Variants in SLC22A23 observed in about 807,000 individuals in gnomAD.
SLC22A23 encodes the protein solute carrier family 22 member 23, also known as ion transporter protein.
Under a neutral mutation model 61.0 loss-of-function variants are expected in SLC22A23, and 26 were observed. The observed-to-expected ratio is 0.43, with a 90% CI of 0.31 to 0.59. SLC22A23 has a LOEUF of 0.59. SLC22A23 is among the 20% of genes least tolerant of loss of function. The probability of loss-of-function intolerance (pLI) is 0.11; values close to 1 mark genes in which losing one functional copy is unlikely to be tolerated. For synonymous variants in SLC22A23, 430 were observed against 413.9 expected, an observed-to-expected ratio of 1.04 and a Z score of -0.47; for missense variants, 796 against 934.7, an observed-to-expected ratio of 0.85 and a Z score of 1.94.
At chr6:3,280,582 G>A (rs1389301459) in intron 9 of SLC22A23, among the ~76,000 whole-genome samples, 2 of 140,988 alleles carry the variant, frequency 1.4e-5, no homozygotes, top group East Asian at 2.2e-4. Context: ...TGTAAGCTCC[G>A]CCTCCTGGGT....
In SLC22A23 at chr6:3,410,345, G is replaced by A. The variant is rs1474375469; in HGVS notation, c.759-3C>T. The A allele has an allele frequency of 1.9e-6, 3 of 1,590,380 alleles. No individual in the cohort carries two copies. The highest frequency in any genetic ancestry group is 1.7e-6 in the Non-Finnish European group (2 of 1,169,470). ...GCAGCACAGGCCGCCGGCCGACCCT[G>A]CATATGGAGAGGGAAAAAGTTAGGA... On this transcript the variant is annotated splice_region_variant and splice_polypyrimidine_tract_variant and intron_variant, in intron 2 of 9. Coordinates refer to ENST00000406686, the MANE Select transcript of SLC22A23 (RefSeq NM_015482.2). The surrounding 1 kb of genome is among the most constrained non-coding windows in gnomAD (Gnocchi z 5.0).
intron 5 of SLC22A23, among the ~76,000 whole-genome samples, chr6:3,294,795 T>C (rs1462628957): frequency 6.6e-6 from 1 of 152,198 alleles, no homozygotes; most frequent in East Asian, 1.9e-4. Context: ...CACAGGCCAG[T>C]AAGAACTTCA....
Position 3,322,641 on chromosome 6 carries a change from CAG to C in SLC22A23, c.1082+1191_1082+1192del, listed in dbSNP as rs2127397893. On this transcript the variant is annotated intron_variant, in intron 4 of 9. Coordinates refer to ENST00000406686, the MANE Select transcript of SLC22A23 (RefSeq NM_015482.2). This position sits in a 1 kb window ranked among gnomAD's most constrained non-coding sequence, Gnocchi z 4.1. ...TGCTGCTGCCGAGGTCCTCATAACA[CAG>C]TGAGCAAGAACCAGGCTCTCGGGGA... is the stretch of plus-strand genomic sequence containing the variant. Among the ~76,000 whole-genome samples, 1 of 152,326 alleles carries C rather than the reference CAG, an allele frequency of 6.6e-6. No homozygotes were observed. The highest frequency in any genetic ancestry group is 1.9e-4 in the East Asian group (1 of 5,190).
At chr6:3,373,196 C>CG (rs1451399747) in intron 3 of SLC22A23, among the ~76,000 whole-genome samples, 1 of 152,226 alleles carries the variant, frequency 6.6e-6, no homozygotes, top group East Asian at 1.9e-4. Context: ...CAAAACCCCC[C>CG]GGGCACTAAG....
chr6:3,310,390 G>GAGCACCCTGTCTCCCACTCA lies in SLC22A23; in HGVS notation c.1083-12192_1083-12173dup, dbSNP rs1561888395. On this transcript the variant is annotated intron_variant, in intron 4 of 9. Transcript: ENST00000406686. ...CACTCGAGCACCCTGTCTCCCACTC[G>GAGCACCCTGTCTCCCACTCA]AGCACCCTGTCTCCCACTCAAGCAC... 1.5e-4 allele frequency among the ~76,000 whole-genome samples: 16 copies of GAGCACCCTGTCTCCCACTCA among 108,008 alleles called. No homozygotes were observed. The Middle Eastern group carries it at 0.013, about 90-fold the overall frequency. The allele number at this position is 108,008 out of a possible 152,430, so 70.9% of individuals were successfully genotyped here. A position where few individuals can be genotyped will look rare whatever the true frequency, so the allele number is the denominator to read the frequency against.
intron 7 of SLC22A23, among the ~76,000 whole-genome samples, chr6:3,285,694 A>G (rs910828348): frequency 6.6e-6 from 1 of 152,266 alleles, no homozygotes; most frequent in Non-Finnish European, 1.5e-5. Context: ...TAAGCCTAAC[A>G]GCAGTCTCCC....
intron 3 of SLC22A23, among the ~76,000 whole-genome samples, chr6:3,401,970 C>T (rs767619589): frequency 3.0e-4 from 45 of 152,156 alleles, no homozygotes; most frequent in Non-Finnish European, 5.6e-4. Flanking sequence ...AGGGAGTGGT[C>T]GGTAGCTTCA....
rs904457707 is a variant in SLC22A23 at position 3,322,015 on chromosome 6, C to A, written c.1082+1819G>T. 1.3e-5 allele frequency among the ~76,000 whole-genome samples: 2 copies of A among 152,124 alleles called. No homozygotes were observed. The highest frequency in any genetic ancestry group is 1.3e-4 in the Admixed American group (2 of 15,274). ...AGTATTTATTGCATGTACCAGGGTG[C>A]CCGGCAGCCTACTTGGCGCTTTGGA... On this transcript the variant is annotated intron_variant, in intron 4 of 9. Coordinates refer to ENST00000406686, the MANE Select transcript of SLC22A23 (RefSeq NM_015482.2). This position sits in a 1 kb window ranked among gnomAD's most constrained non-coding sequence, Gnocchi z 4.1.
chr6:3,367,514 G>A (rs927282683), intron 3 of SLC22A23, among the ~76,000 whole-genome samples: 10 of 152,196 alleles, frequency 6.6e-5, no homozygotes, highest in Non-Finnish European at 1.5e-4. Flanking sequence ...CAGCCTGGTC[G>A]TGACTGAGAT....
Position 3,414,067 on chromosome 6 carries a change from T to A in SLC22A23, c.758+1685A>T, listed in dbSNP as rs1769481965. On this transcript the variant is annotated intron_variant, in intron 2 of 9. Coordinates refer to ENST00000406686, the MANE Select transcript of SLC22A23 (RefSeq NM_015482.2). This position sits in a 1 kb window ranked among gnomAD's most constrained non-coding sequence, Gnocchi z 5.1. ...GATCAGGGAGGCCACATCACATGTG[T>A]GTACAAGAAGAAAGTTAAGAAAACA... Among the ~76,000 whole-genome samples, 1 of 152,226 alleles carries A rather than the reference T, an allele frequency of 6.6e-6. No individual in the cohort carries two copies. The highest frequency in any genetic ancestry group is 1.5e-5 in the Non-Finnish European group (1 of 68,042).
At chr6:3,406,355 GT>G (rs1251718134) in intron 3 of SLC22A23, among the ~76,000 whole-genome samples, 2 of 152,136 alleles carry the variant, frequency 1.3e-5, no homozygotes, top group Non-Finnish European at 2.9e-5. Context: ...ATGGATCCTG[GT>G]TAGGAAAAGG....
At chr6:3,400,202 T>C (rs1768288707) in intron 3 of SLC22A23, among the ~76,000 whole-genome samples, 1 of 152,216 alleles carries the variant, frequency 6.6e-6, no homozygotes, top group African/African-American at 2.4e-5. Context: ...AAAATGAATT[T>C]TAAAAGCTCT....
chr6:3,278,782 A>C (rs1288772577), intron 9 of SLC22A23, among the ~76,000 whole-genome samples: 1 of 152,226 alleles, frequency 6.6e-6, no homozygotes, highest in Admixed American at 6.5e-5. Context: ...AGGGCATATC[A>C]GATGCTAGGG....
chr6:3,339,007 G>A (rs1297840604), intron 3 of SLC22A23, among the ~76,000 whole-genome samples: 1 of 152,206 alleles, frequency 6.6e-6, no homozygotes, highest in East Asian at 1.9e-4. Flanking sequence ...ATTTGGTGGA[G>A]GTGCCAGATG....
chr6:3,439,588 T>C (rs1771455964), intron 1 of SLC22A23, among the ~76,000 whole-genome samples: 1 of 152,250 alleles, frequency 6.6e-6, no homozygotes, highest in African/African-American at 2.4e-5. Flanking sequence ...CTCACTGAAA[T>C]GTGACTTTAG....
rs17136469 is a variant in SLC22A23 at position 3,368,534 on chromosome 6, C to T, written c.913+41654G>A. The stretch of plus-strand genomic sequence containing the variant: ...GAAGTACTGCCTTAGAAGGGGCTTT[C>T]GCTTCTGTCAAATTGGCCACATTTC... On this transcript the variant is annotated intron_variant, in intron 3 of 9. Transcript: ENST00000406686. 7.5e-3 allele frequency among the ~76,000 whole-genome samples: 1,146 copies of T among 152,266 alleles called. 18 individuals are homozygous for T. Among genetic ancestry groups the T allele is most frequent in the African/African-American group, 0.021 (854 of 41,532 alleles).
At chr6:3,295,607 A>G (rs1433243190) in intron 5 of SLC22A23, among the ~76,000 whole-genome samples, 1 of 152,164 alleles carries the variant, frequency 6.6e-6, no homozygotes, top group East Asian at 1.9e-4. Flanking sequence ...CGAGGCTCGG[A>G]GCAGGTGTTG....
chr6:3,373,844 G>A (rs534692283), intron 3 of SLC22A23, among the ~76,000 whole-genome samples: 1 of 152,308 alleles, frequency 6.6e-6, no homozygotes, highest in African/African-American at 2.4e-5. Context: ...AGATGATGAT[G>A]ATGGCAGTAA....
At chr6:3,449,258 G>C (rs1041578100) in intron 1 of SLC22A23, among the ~76,000 whole-genome samples, 3 of 152,084 alleles carry the variant, frequency 2.0e-5, no homozygotes, top group Non-Finnish European at 4.4e-5. Context: ...AGTCTTCCAG[G>C]AATCTTCCAA....
Sources: gnomAD v4.1 joint callset for allele counts (sites outside exome capture counted in the v4.1 genomes callset) on GRCh38, gnomAD v4.1.1 for gene constraint, Gnocchi (gnomAD v3.1) non-coding constraint, MANE v1.5 for transcripts, NCBI Gene and HGNC (gene_info 2026-07-23, HGNC 2026-07-21) for gene names.